The following PTN variants were observed in gnomAD, a reference collection of about 807,000 sequenced individuals.
PTN encodes heparin affin regulatory protein.
In PTN, 18 loss-of-function variants were observed where a neutral mutation model predicts 24.1. The observed-to-expected ratio is 0.75, with a 90% CI of 0.52 to 1.11. PTN has a LOEUF of 1.11. Ranked by LOEUF, PTN falls within the 50% of genes least tolerant of loss-of-function variation. The pLI is 0.00. For synonymous variants in PTN, 78 were observed against 68.6 expected (o/e 1.14, Z -0.67); for missense variants, 163 against 198.8 (o/e 0.82, Z 1.08).
chr7:137,233,935 T>C (rs1476027012), intron 4 of PTN, among the ~76,000 whole-genome samples: 3 of 149,360 alleles, frequency 2.0e-5, no homozygotes, highest in Admixed American at 6.7e-5. Flanking sequence ...TATGTATACA[T>C]ATATATGTAT....
intron 1 of PTN, among the ~76,000 whole-genome samples, chr7:137,335,931 T>C (rs67582824): frequency 0.23 from 16,628 of 71,024 alleles, 1,161 homozygotes; most frequent in South Asian, 0.41. Flanking sequence ...CTTCTCGCTT[T>C]TTTTTTTTTT....
At chr7:137,228,401 G>A (rs17510996) in intron 4 of PTN, among the ~76,000 whole-genome samples, 7,060 of 151,776 alleles carry the variant, frequency 0.047, 221 homozygotes, top group Non-Finnish European at 0.071. Context: ...TTGACTTGGG[G>A]TCCTGCTTAG....
chr7:137,231,559 A>G (rs539257618), intron 4 of PTN, among the ~76,000 whole-genome samples: 103 of 152,060 alleles, frequency 6.8e-4, no homozygotes, highest in African/African-American at 2.4e-3. Context: ...TTCCTTTCCT[A>G]TGACAATAGA....
chr7:137,333,945 GAT>G (rs1166118976), intron 1 of PTN, among the ~76,000 whole-genome samples: 1 of 152,056 alleles, frequency 6.6e-6, no homozygotes, highest in African/African-American at 2.4e-5. Context: ...ATGGGGAAAG[GAT>G]TCCCTATTTA....
In PTN at chr7:137,227,988, A is replaced by C. The variant is rs2128866592; in HGVS notation, c.*32T>G. The C allele has an allele frequency of 6.2e-7, 1 of 1,602,492 alleles. No homozygotes were observed. The highest frequency in any genetic ancestry group is 1.7e-5 in the Admixed American group (1 of 57,994). Reference sequence around the variant, plus strand: ...AATAGTTAACTGATCCTGTTTGCTGATGTCCTTTTTATGTTCCACAGGTGA... The same window carrying C: ...AATAGTTAACTGATCCTGTTTGCTGCTGTCCTTTTTATGTTCCACAGGTGA... On this transcript the variant is annotated 3_prime_UTR_variant, in exon 5 of 5. Transcript: ENST00000348225.
chr7:137,308,964 G>A (rs1809934068), intron 1 of PTN, among the ~76,000 whole-genome samples: 2 of 152,066 alleles, frequency 1.3e-5, no homozygotes, highest in South Asian at 4.1e-4. Flanking sequence ...TTGATGTTGG[G>A]ACTGAAAGAA....
intron 4 of PTN, among the ~76,000 whole-genome samples, chr7:137,248,963 TTA>T (rs1169777927): frequency 7.2e-5 from 11 of 152,152 alleles, no homozygotes; most frequent in African/African-American, 2.7e-4. Flanking sequence ...TGAAATATTT[TTA>T]GTGTCATTTT....
intron 1 of PTN, among the ~76,000 whole-genome samples, chr7:137,296,700 A>G (rs1809723491): frequency 6.6e-6 from 1 of 152,102 alleles, no homozygotes; most frequent in Non-Finnish European, 1.5e-5. Context: ...AAGCTTGTTG[A>G]AACAGAGGGG....
At chr7:137,311,916 GACT>G (rs1349355132) in intron 1 of PTN, among the ~76,000 whole-genome samples, 3 of 129,672 alleles carry the variant, frequency 2.3e-5, no homozygotes, top group Non-Finnish European at 4.4e-5. Flanking sequence ...GGTGCTGATA[GACT>G]TGCTCAATGC....
intron 1 of PTN, among the ~76,000 whole-genome samples, chr7:137,294,138 T>A (rs17169053): frequency 0.043 from 6,509 of 152,272 alleles, 222 homozygotes; most frequent in African/African-American, 0.096. Context: ...GCCTTCCATA[T>A]TTTAGACCTT....
intron 3 of PTN, among the ~76,000 whole-genome samples, chr7:137,252,382 G>A (rs996232912): frequency 3.3e-5 from 5 of 151,760 alleles, no homozygotes; most frequent in Non-Finnish European, 5.9e-5. Context: ...TTATTGAACT[G>A]TTAGGTTTTG....
chr7:137,229,417 T>C (rs1808390866), intron 4 of PTN, among the ~76,000 whole-genome samples: 1 of 151,772 alleles, frequency 6.6e-6, no homozygotes, highest in Non-Finnish European at 1.5e-5. Context: ...AGACAGAAGA[T>C]ATGATATGAT....
intron 1 of PTN, among the ~76,000 whole-genome samples, chr7:137,318,012 A>G (rs1810101961): frequency 6.6e-6 from 1 of 152,194 alleles, no homozygotes; most frequent in Admixed American, 6.5e-5. Context: ...GACGCCTACA[A>G]TCTCAGCACT....
chr7:137,300,268 C>T lies in PTN; in HGVS notation c.-2+43171G>A, dbSNP rs563409949. Among the ~76,000 whole-genome samples, 78 of 151,958 alleles carry T rather than the reference C, an allele frequency of 5.1e-4. 1 individual carries two copies. In the Middle Eastern group the frequency reaches 0.037, roughly 73 times the overall value. On this transcript the variant is annotated intron_variant, in intron 1 of 4. Transcript: ENST00000348225. ...AGGTACAGGTGGTTGATTCTAGCAG[C>T]GTAATTTGAGAAGCATAAAAATTCA...
intron 1 of PTN, among the ~76,000 whole-genome samples, chr7:137,263,228 A>C (rs1403063368): frequency 1.3e-5 from 2 of 152,180 alleles, no homozygotes; most frequent in African/African-American, 4.8e-5. Flanking sequence ...TTATTATAAG[A>C]GTTTTAAATT....
chr7:137,266,059 T>C (rs1809138671), intron 1 of PTN, among the ~76,000 whole-genome samples: 2 of 152,208 alleles, frequency 1.3e-5, no homozygotes, highest in African/African-American at 4.8e-5. Context: ...GACATATTTA[T>C]CTAATTTTTA....
intron 1 of PTN, among the ~76,000 whole-genome samples, chr7:137,324,433 A>AAAAAAAATATATATATAT: frequency 2.3e-5 from 2 of 88,804 alleles, no homozygotes; most frequent in African/African-American, 1.4e-4. Context: ...AAAAAAAAAA[A>AAAAAAAATATATATATAT]ATATATATAT....
intron 2 of PTN, 35 bp from the exon 3 acceptor site, chr7:137,253,672 G>A (rs747134867): frequency 6.2e-6 from 9 of 1,462,908 alleles, no homozygotes; most frequent in Non-Finnish European, 8.2e-6. Flanking sequence ...TCAACATACA[G>A]AAAACTCCTT....
At chr7:137,298,133 G>A (rs1489667882) in intron 1 of PTN, among the ~76,000 whole-genome samples, 1 of 152,040 alleles carries the variant, frequency 6.6e-6, no homozygotes, top group Non-Finnish European at 1.5e-5. Context: ...TTAAGAGCCT[G>A]TAAGGATTCT....
Sources: allele counts gnomAD v4.1 joint callset (sites outside exome capture counted in the v4.1 genomes callset), GRCh38; gene constraint gnomAD v4.1.1; transcripts MANE v1.5; gene names NCBI Gene and HGNC (gene_info 2026-07-23, HGNC 2026-07-21).